Variants in FGGY observed in about 807,000 individuals in gnomAD.
The protein encoded by FGGY is FGGY carbohydrate kinase domain-containing protein.
In FGGY, 72 loss-of-function variants were observed where a neutral mutation model predicts 71.3. The observed-to-expected ratio is 1.01, with a 90% confidence interval of 0.84 to 1.23. FGGY has a LOEUF of 1.23. FGGY is among the 50% of genes most tolerant of loss of function. The pLI, the probability that FGGY is intolerant of heterozygous loss-of-function variation, is 0.00. For missense variants in FGGY, 668 were observed against 682.3 expected (o/e 0.98, Z 0.23); for synonymous variants, 251 against 250.3 (o/e 1.00, Z -0.02).
intron 7 of FGGY, among the ~76,000 whole-genome samples, chr1:59,520,320 G>A (rs1049028498): frequency 3.3e-5 from 5 of 152,188 alleles, no homozygotes; most frequent in African/African-American, 9.7e-5. Flanking sequence ...AGCCTGAGGA[G>A]TAGGGAGGAC....
chr1:59,585,019 A>G (rs1320306732), intron 8 of FGGY, among the ~76,000 whole-genome samples: 1 of 152,196 alleles, frequency 6.6e-6, no homozygotes, highest in Non-Finnish European at 1.5e-5. Context: ...GAAATAAAAG[A>G]GGATACCAAT....
intron 1 of FGGY, among the ~76,000 whole-genome samples, chr1:59,305,559 G>C (rs937176669): frequency 3.3e-5 from 5 of 152,116 alleles, no homozygotes; most frequent in Non-Finnish European, 7.4e-5. Flanking sequence ...TAAGGGTAAT[G>C]GTAATGCTGG....
chr1:59,435,940 G>A (rs2068363008), intron 5 of FGGY, among the ~76,000 whole-genome samples: 1 of 152,186 alleles, frequency 6.6e-6, no homozygotes, highest in Non-Finnish European at 1.5e-5. Context: ...GCACATGGGA[G>A]GAGCTGACTT....
At chr1:59,484,339 C>T (rs1024322895) in intron 6 of FGGY, among the ~76,000 whole-genome samples, 1 of 152,148 alleles carries the variant, frequency 6.6e-6, no homozygotes. Flanking sequence ...CTTCTGCATT[C>T]TCCCTTATAT....
At chr1:59,536,414 G>A (rs1194711580) in intron 7 of FGGY, among the ~76,000 whole-genome samples, 3 of 152,162 alleles carry the variant, frequency 2.0e-5, no homozygotes, top group African/African-American at 7.2e-5. Flanking sequence ...GGAGTAAGTG[G>A]TACCATTCCT....
At chr1:59,637,753 C>T (rs1028686611) in intron 10 of FGGY, among the ~76,000 whole-genome samples, 1 of 152,176 alleles carries the variant, frequency 6.6e-6, no homozygotes, top group Non-Finnish European at 1.5e-5. Flanking sequence ...TATAATTTCT[C>T]TCCATTTATC....
intron 9 of FGGY, among the ~76,000 whole-genome samples, chr1:59,608,334 C>T (rs907587496): frequency 6.6e-6 from 1 of 152,192 alleles, no homozygotes; most frequent in East Asian, 1.9e-4. Context: ...GTAATTTACA[C>T]TAGGTTGCTC....
chr1:59,472,607 A>G (rs890280534), intron 6 of FGGY, among the ~76,000 whole-genome samples: 4 of 152,234 alleles, frequency 2.6e-5, no homozygotes, highest in Middle Eastern at 3.2e-3. Flanking sequence ...AAATACACCA[A>G]TTGGCACTCT....
chr1:59,759,009 A>G (rs2098319078), intron 15 of FGGY, among the ~76,000 whole-genome samples: 1 of 152,122 alleles, frequency 6.6e-6, no homozygotes, highest in Non-Finnish European at 1.5e-5. Flanking sequence ...GTCCAGATAA[A>G]AGGCTTTTTC....
At chr1:59,483,163 A>T (rs1464592982) in intron 6 of FGGY, among the ~76,000 whole-genome samples, 2 of 152,174 alleles carry the variant, frequency 1.3e-5, no homozygotes, top group Non-Finnish European at 2.9e-5. Flanking sequence ...TTGGTGTGTG[A>T]CCAAAAATAC....
intron 5 of FGGY, among the ~76,000 whole-genome samples, chr1:59,454,399 G>C (rs1353860440): frequency 6.6e-6 from 1 of 152,178 alleles, no homozygotes; most frequent in Non-Finnish European, 1.5e-5. Flanking sequence ...ACATAGGTGG[G>C]CTGCCTTCTC....
intron 1 of FGGY, among the ~76,000 whole-genome samples, chr1:59,314,820 C>T (rs1279905830): frequency 1.3e-5 from 2 of 152,208 alleles, no homozygotes; most frequent in Non-Finnish European, 2.9e-5. Context: ...ATAGACGCAG[C>T]TTATGTCTTC....
At chr1:59,503,351 T>C (rs1327301044) in intron 6 of FGGY, among the ~76,000 whole-genome samples, 1 of 151,990 alleles carries the variant, frequency 6.6e-6, no homozygotes, top group Non-Finnish European at 1.5e-5. Context: ...ATATTTATTG[T>C]GTTAAAATAC....
rs547427159 is a variant in FGGY, at chr1:59,355,808, C to T, written c.465+9410C>T. ...CCTGGGATCTAACTATTGCCTCTCA[C>T]TGCCTGCTTTTAAAGGGCACTCATT... On this transcript the variant is annotated intron_variant, in intron 4 of 15. Coordinates refer to ENST00000303721, the MANE Select transcript of FGGY (RefSeq NM_018291.5). Among the ~76,000 whole-genome samples the T allele has an allele frequency of 2.7e-4, 41 of 152,068 alleles. 1 individual carries two copies. The highest frequency in any genetic ancestry group is 9.8e-4 in the Admixed American group (15 of 15,272).
chr1:59,554,188 G>A lies in FGGY; in HGVS notation c.864G>A (p.Arg288=), dbSNP rs1177087673. The change falls in exon 8 of 16, where the codon CGG becomes CGA. Residue 288 remains arginine (R), a synonymous_variant. Transcript: ENST00000303721. ...LICEGQPVTS[R]LAVICGTSSC... is the part of the protein sequence containing the mutation. ...GTGAGGGGCAGCCAGTGACGTCACG[G>A]CTGGCTGTCATCTGTGGAACGTCTT... The A allele has an allele frequency of 1.2e-6, 2 of 1,613,550 alleles. No individual in the cohort carries two copies. The highest frequency in any genetic ancestry group is 3.3e-5 in the Admixed American group (2 of 60,020).
chr1:59,563,183 A>G (rs2095820942), intron 8 of FGGY, among the ~76,000 whole-genome samples: 2 of 152,210 alleles, frequency 1.3e-5, no homozygotes, highest in South Asian at 4.1e-4. Flanking sequence ...CCGGTTTTCA[A>G]AGGGAATGCT....
chr1:59,518,976 C>T (rs2094743090), intron 7 of FGGY, among the ~76,000 whole-genome samples: 2 of 152,228 alleles, frequency 1.3e-5, no homozygotes, highest in African/African-American at 4.8e-5. Flanking sequence ...CCTCATTTTG[C>T]ACAGCAAACA....
At chr1:59,512,905 A>T (rs1357398485) in intron 7 of FGGY, among the ~76,000 whole-genome samples, 1 of 152,160 alleles carries the variant, frequency 6.6e-6, no homozygotes, top group Non-Finnish European at 1.5e-5. Context: ...TCATTCATGT[A>T]TTCATTTGTT....
rs868007270 is a variant in FGGY, at chr1:59,651,036, T to C, written c.1222-9183T>C. Among the ~76,000 whole-genome samples the C allele has an allele frequency of 4.3e-4, 65 of 151,644 alleles. 1 individual carries two copies. The highest frequency in any genetic ancestry group is 6.2e-4 in the South Asian group (3 of 4,818). On this transcript the variant is annotated intron_variant, in intron 11 of 15. Transcript: ENST00000303721. ...CAGTAGTCATTCAGGAGCAGGTTGT[T>C]CAGTTTCCATGTAGCTGAGCAGCTT... is the stretch of plus-strand genomic sequence containing the variant.
Sources: allele counts gnomAD v4.1 joint callset (sites outside exome capture counted in the v4.1 genomes callset), GRCh38; gene constraint gnomAD v4.1.1; transcripts MANE v1.5; gene names NCBI Gene and HGNC (gene_info 2026-07-23, HGNC 2026-07-21).